EFNA5: variants seen among roughly 807,000 people sequenced by gnomAD.
The protein encoded by EFNA5 is ephrin A5.
EFNA5 carries 5 observed loss-of-function variants against 22.9 expected under a neutral mutation model. The observed-to-expected ratio is 0.22, with a 90% CI of 0.11 to 0.46. The LOEUF (loss-of-function observed/expected upper bound fraction) is 0.46, where lower values mean the gene tolerates loss of function less well. EFNA5 is among the 20% of genes least tolerant of loss of function. The pLI is 0.99. For synonymous variants in EFNA5, 113 were observed against 112.2 expected, an observed-to-expected ratio of 1.01 and a Z score of -0.04; for missense variants, 237 against 293.3, an observed-to-expected ratio of 0.81 and a Z score of 1.40.
chr5:107,570,818 T>C (rs1207079948), intron 1 of EFNA5, among the ~76,000 whole-genome samples: 2 of 152,226 alleles, frequency 1.3e-5, no homozygotes, highest in African/African-American at 4.8e-5. Context: ...TACCAGAGTT[T>C]GGATTCTATA....
At chr5:107,424,462 C>T (rs1026837706) in intron 2 of EFNA5, among the ~76,000 whole-genome samples, 3 of 151,524 alleles carry the variant, frequency 2.0e-5, no homozygotes, top group Admixed American at 6.6e-5. Context: ...ATGATCCACC[C>T]GCCTCGGCCT....
intron 1 of EFNA5, among the ~76,000 whole-genome samples, chr5:107,504,909 A>T (rs1471427009): frequency 6.6e-6 from 1 of 152,204 alleles, no homozygotes; most frequent in East Asian, 1.9e-4. Flanking sequence ...TCATATAACT[A>T]GTAGTAAAAT....
intron 1 of EFNA5, among the ~76,000 whole-genome samples, chr5:107,584,943 C>CA (rs1429670165): frequency 2.0e-5 from 3 of 152,158 alleles, no homozygotes; most frequent in Non-Finnish European, 4.4e-5. Flanking sequence ...CACAACGTAG[C>CA]AAGTCTTCTT....
chr5:107,425,574 G>A (rs1748790307), intron 2 of EFNA5, among the ~76,000 whole-genome samples: 1 of 152,176 alleles, frequency 6.6e-6, no homozygotes, highest in African/African-American at 2.4e-5. Context: ...GTATGCCAGT[G>A]CTTCCTGCAT....
At chr5:107,469,329 C>A (rs1295459555) in intron 1 of EFNA5, among the ~76,000 whole-genome samples, 1 of 152,094 alleles carries the variant, frequency 6.6e-6, no homozygotes, top group Non-Finnish European at 1.5e-5. Context: ...CCTCAAATGC[C>A]CTAAACAATA....
intron 2 of EFNA5, among the ~76,000 whole-genome samples, chr5:107,407,063 T>C (rs929281364): frequency 1.8e-4 from 28 of 152,136 alleles, no homozygotes; most frequent in African/African-American, 5.8e-4. Context: ...TTTCTTCACA[T>C]TTGTGCAAAG....
At chr5:107,668,193 A>T (rs568535858) in intron 1 of EFNA5, among the ~76,000 whole-genome samples, 94 of 152,282 alleles carry the variant, frequency 6.2e-4, no homozygotes, top group Middle Eastern at 3.4e-3. Context: ...TCAAACTGAT[A>T]ATGATCAAAT....
chr5:107,560,987 CTA>C (rs2112477218), intron 1 of EFNA5, among the ~76,000 whole-genome samples: 1 of 152,320 alleles, frequency 6.6e-6, no homozygotes, highest in South Asian at 2.1e-4. Flanking sequence ...CTACTGCTGT[CTA>C]TGAGACATGA....
intron 2 of EFNA5, among the ~76,000 whole-genome samples, chr5:107,409,415 T>C (rs976752491): frequency 6.6e-6 from 1 of 152,186 alleles, no homozygotes; most frequent in Non-Finnish European, 1.5e-5. Flanking sequence ...CGTGTAACTA[T>C]GTAGGTAGGA....
At chr5:107,564,057 C>T (rs931132427) in intron 1 of EFNA5, among the ~76,000 whole-genome samples, 2 of 152,106 alleles carry the variant, frequency 1.3e-5, no homozygotes, top group African/African-American at 4.8e-5. Context: ...AAGGATTACG[C>T]CTGCTATTTT....
At chr5:107,572,707 C>G (rs1748841865) in intron 1 of EFNA5, among the ~76,000 whole-genome samples, 1 of 152,290 alleles carries the variant, frequency 6.6e-6, no homozygotes, top group African/African-American at 2.4e-5. Flanking sequence ...ATACTAAAAT[C>G]AGTTTTGCAC....
chr5:107,623,269 T>C (rs796239361), intron 1 of EFNA5, among the ~76,000 whole-genome samples: 1 of 152,086 alleles, frequency 6.6e-6, no homozygotes, highest in Admixed American at 6.5e-5. Context: ...GAATAATCAG[T>C]AGTTAACCTG....
At chr5:107,552,788 G>A (rs940087869) in intron 1 of EFNA5, among the ~76,000 whole-genome samples, 3 of 152,158 alleles carry the variant, frequency 2.0e-5, no homozygotes, top group Non-Finnish European at 4.4e-5. Flanking sequence ...ACCAGATATT[G>A]CAAACAGCTA....
chr5:107,625,529 A>G (rs1052799842), intron 1 of EFNA5, among the ~76,000 whole-genome samples: 4 of 152,180 alleles, frequency 2.6e-5, no homozygotes, highest in Non-Finnish European at 5.9e-5. Flanking sequence ...ATCTAAAATT[A>G]TTACTCTAAT....
chr5:107,392,736 G>A (rs1259802985), intron 2 of EFNA5, among the ~76,000 whole-genome samples: 1 of 152,212 alleles, frequency 6.6e-6, no homozygotes, highest in African/African-American at 2.4e-5. Flanking sequence ...TCGGACTGAA[G>A]GACTAAGACA....
chr5:107,377,026 G>A lies in EFNA5; in HGVS notation c.*4229C>T, dbSNP rs944719136. Reference sequence around the variant, plus strand: ...ACATTTTCTTTTACGTTTATATAATGTCAGCATTTCAAAACAGCACTCGAT... The same window carrying A: ...ACATTTTCTTTTACGTTTATATAATATCAGCATTTCAAAACAGCACTCGAT... On this transcript the variant is annotated 3_prime_UTR_variant, in exon 5 of 5. Transcript: ENST00000333274. The A allele has an allele frequency of 6.6e-6, 1 of 150,684 alleles. No homozygotes were observed. Among genetic ancestry groups the A allele is most frequent in the Non-Finnish European group, 1.5e-5 (1 of 67,838 alleles). The allele number at this position is 150,684 out of a possible 1,614,324, so 9.3% of individuals were successfully genotyped here.
chr5:107,384,320 C>T (rs1028724092), intron 4 of EFNA5, among the ~76,000 whole-genome samples: 7 of 152,238 alleles, frequency 4.6e-5, no homozygotes, highest in East Asian at 1.9e-4. Context: ...CAATGGTTAA[C>T]GGAGAGAACA....
At chr5:107,578,870 CA>C (rs1328835212) in intron 1 of EFNA5, among the ~76,000 whole-genome samples, 1 of 152,198 alleles carries the variant, frequency 6.6e-6, no homozygotes, top group Non-Finnish European at 1.5e-5. Context: ...ATGGTAGGCC[CA>C]GTGCCTAAGA....
intron 1 of EFNA5, among the ~76,000 whole-genome samples, chr5:107,495,128 G>A (rs1210859774): frequency 2.6e-5 from 4 of 152,136 alleles, no homozygotes; most frequent in Non-Finnish European, 4.4e-5. Flanking sequence ...CCCCTTCCAC[G>A]CTGTGGAAGC....
Sources: allele counts gnomAD v4.1 joint callset (sites outside exome capture counted in the v4.1 genomes callset), GRCh38; gene constraint gnomAD v4.1.1; transcripts MANE v1.5; gene names NCBI Gene and HGNC (gene_info 2026-07-23, HGNC 2026-07-21).